ABCB4: variants seen among roughly 807,000 people sequenced by gnomAD.
ABCB4 encodes phosphatidylcholine translocator ABCB4.
In ABCB4, 76 loss-of-function variants were observed where a neutral mutation model predicts 145.7. That is an observed-to-expected ratio of 0.52 (90% CI 0.43 to 0.63). The LOEUF (loss-of-function observed/expected upper bound fraction) is 0.63, where lower values mean the gene tolerates loss of function less well. Among genes scored for constraint, ABCB4 ranks in the 30% least tolerant of loss-of-function variants. The probability of loss-of-function intolerance (pLI) is 0.00; values close to 1 mark genes in which losing one functional copy is unlikely to be tolerated. For synonymous variants in ABCB4, 517 were observed against 566.8 expected, an observed-to-expected ratio of 0.91 and a Z score of 1.25; for missense variants, 1,234 against 1,553.1, an observed-to-expected ratio of 0.79 and a Z score of 3.45.
the ABCB4 span, among the ~76,000 whole-genome samples, chr7:87,381,747 A>G: frequency 6.6e-6 from 1 of 152,216 alleles, no homozygotes; most frequent in Non-Finnish European, 1.5e-5. Flanking sequence ...CAGTTACTGA[A>G]CTGTAGGGAA....
chr7:87,375,462 C>T, the ABCB4 span: 1 of 555,648 alleles, frequency 1.8e-6, no homozygotes, highest in South Asian at 2.4e-5. Flanking sequence ...TAATAGAACA[C>T]AATCACTTAA....
At chr7:87,434,078 A>G (rs533764154) in intron 14 of ABCB4, among the ~76,000 whole-genome samples, 1 of 147,960 alleles carries the variant, frequency 6.8e-6, no homozygotes, top group Non-Finnish European at 1.5e-5. Context: ...ACAAGTGCCC[A>G]CCACCACACC....
intron 27 of ABCB4, among the ~76,000 whole-genome samples, chr7:87,402,646 T>C (rs745710434): frequency 6.6e-6 from 1 of 152,214 alleles, no homozygotes; most frequent in Admixed American, 6.5e-5. Context: ...TTTGAATGCT[T>C]TACTTTATAA....
At chr7:87,444,410 G>T (rs1811201548) in intron 10 of ABCB4, among the ~76,000 whole-genome samples, 1 of 152,106 alleles carries the variant, frequency 6.6e-6, no homozygotes, top group Admixed American at 6.6e-5. Context: ...TTTATTTAAT[G>T]TAGTTTATTT....
chr7:87,369,073 C>A, the ABCB4 span, among the ~76,000 whole-genome samples: 1 of 152,282 alleles, frequency 6.6e-6, no homozygotes, highest in African/African-American at 2.4e-5. Context: ...TTCTCCCCTT[C>A]CCATTTCTGT....
chr7:87,436,371 G>A (rs17651890), intron 14 of ABCB4, among the ~76,000 whole-genome samples: 6,043 of 151,938 alleles, frequency 0.04, 181 homozygotes, highest in Middle Eastern at 0.092. Flanking sequence ...CTGATGGCAG[G>A]TTCACTTGCA....
At chr7:87,397,171 G>A (rs1562941536), downstream of ABCB4, among the ~76,000 whole-genome samples, 1 of 151,962 alleles carries the variant, frequency 6.6e-6, no homozygotes, top group Non-Finnish European at 1.5e-5. Flanking sequence ...GGCCAACATG[G>A]TGAAACCCCA....
At chr7:87,421,862 T>C (rs1562961290) in intron 18 of ABCB4, among the ~76,000 whole-genome samples, 1 of 152,230 alleles carries the variant, frequency 6.6e-6, no homozygotes, top group Non-Finnish European at 1.5e-5. Context: ...TTTAAGTTAC[T>C]CTTATGTTCT....
chr7:87,464,300 C>T (rs928429173), intron 3 of ABCB4, among the ~76,000 whole-genome samples: 13 of 152,142 alleles, frequency 8.5e-5, no homozygotes, highest in African/African-American at 2.9e-4. Context: ...ATCAAACACA[C>T]AGGGCAAGCA....
chr7:87,382,108 A>G, the ABCB4 span: 1 of 1,613,538 alleles, frequency 6.2e-7, no homozygotes, highest in Admixed American at 1.7e-5. Flanking sequence ...CCACTTCCAG[A>G]AGAGCTCATT....
At position 87,401,843 on chromosome 7, in the gene ABCB4, G is replaced by T. The variant is rs1389834661; in HGVS notation, c.*253C>A. 5 of 629,200 alleles carry T rather than the reference G, an allele frequency of 7.9e-6. No individual in the cohort carries two copies. The highest frequency in any genetic ancestry group is 1.5e-5 in the Non-Finnish European group (5 of 344,234). 39.0% of individuals were successfully genotyped at this position (629,200 alleles called of 1,614,324 possible). ...TACACCTGTACTTACCTTGAATTTT[G>T]TTCTTTTTCTGGATGTTTCTAATAA... is the stretch of plus-strand genomic sequence containing the variant. On this transcript the variant is annotated 3_prime_UTR_variant, in exon 28 of 28. Coordinates refer to ENST00000649586, the MANE Select transcript of ABCB4 (RefSeq NM_000443.4).
chr7:87,436,397 G>A (rs183255041), intron 14 of ABCB4, among the ~76,000 whole-genome samples: 129 of 151,974 alleles, frequency 8.5e-4, no homozygotes, highest in African/African-American at 3.0e-3. Flanking sequence ...AAGAAGAGAG[G>A]AGCCTGTCTC....
At position 87,413,691 on chromosome 7, in the gene ABCB4, A is replaced by G. The variant is rs1808780662; in HGVS notation, c.2709T>C (p.Ile903=). The G allele has an allele frequency of 1.9e-6, 3 of 1,612,354 alleles. No individual in the cohort carries two copies. The South Asian group carries it at 3.3e-5, about 18-fold the overall frequency. Residue 903 remains isoleucine (I), a synonymous_variant, in exon 22 of 28, where the codon ATT becomes ATC. Transcript: ENST00000649586. ...CCTGGGTCAAAGACACAACTGTCCT[A>G]ATATTTTCTATTGCCTCTGTTGCAA... ...GKIATEAIEN[I]RTVVSLTQER...
At chr7:87,385,712 A>G in the ABCB4 span, among the ~76,000 whole-genome samples, 5 of 152,132 alleles carry the variant, frequency 3.3e-5, no homozygotes, top group African/African-American at 1.2e-4. Context: ...TTCCAATACT[A>G]TGTTGCATAA....
chr7:87,432,486 A>G (rs1305548722), intron 14 of ABCB4, among the ~76,000 whole-genome samples: 1 of 152,240 alleles, frequency 6.6e-6, no homozygotes, highest in Non-Finnish European at 1.5e-5. Flanking sequence ...ATATTCATCA[A>G]TTGGCAAACA....
chr7:87,373,558 G>A, the ABCB4 span, among the ~76,000 whole-genome samples: 18 of 152,126 alleles, frequency 1.2e-4, no homozygotes, highest in African/African-American at 4.3e-4. Flanking sequence ...AAAAAATTGT[G>A]GGAAGGGGGA....
the ABCB4 span, among the ~76,000 whole-genome samples, chr7:87,388,390 AG>A: frequency 6.6e-6 from 1 of 152,230 alleles, no homozygotes; most frequent in Non-Finnish European, 1.5e-5. Context: ...ACAAGGCTAC[AG>A]TAACCAAAAC....
chr7:87,438,483 C>T (rs1368427653), intron 14 of ABCB4, among the ~76,000 whole-genome samples: 1 of 152,080 alleles, frequency 6.6e-6, no homozygotes, highest in Non-Finnish European at 1.5e-5. Flanking sequence ...TGCAGTGGCT[C>T]ACATCTATAA....
the ABCB4 span, chr7:87,392,612 A>G: frequency 2.5e-6 from 4 of 1,613,582 alleles, no homozygotes; most frequent in Non-Finnish European, 2.5e-6. Context: ...GCAAAGCATA[A>G]TAAAATGATG....
Sources: gnomAD v4.1 joint callset for allele counts (sites outside exome capture counted in the v4.1 genomes callset) on GRCh38, gnomAD v4.1.1 for gene constraint, MANE v1.5 for transcripts, NCBI Gene and HGNC (gene_info 2026-07-23, HGNC 2026-07-21) for gene names.